Variants in ZC3H12B observed in about 807,000 individuals in gnomAD.
ZC3H12B encodes probable ribonuclease ZC3H12B.
ZC3H12B carries 7 observed loss-of-function variants against 43.9 expected under a neutral mutation model. That is an observed-to-expected ratio of 0.16 (90% CI 0.09 to 0.30). The LOEUF (loss-of-function observed/expected upper bound fraction) is 0.30. Among genes scored for constraint, ZC3H12B ranks in the 10% least tolerant of loss-of-function variants. The pLI is 1.00. For missense variants in ZC3H12B, 475 were observed against 670.2 expected, an observed-to-expected ratio of 0.71 and a Z score of 3.22; for synonymous variants, 222 against 241.7, an observed-to-expected ratio of 0.92 and a Z score of 0.76.
intron 2 of ZC3H12B, among the ~76,000 whole-genome samples, chrX:65,392,796 G>C (rs1001713743): frequency 8.8e-6 from 1 of 113,051 alleles, no homozygotes; most frequent in Admixed American, 9.3e-5. Flanking sequence ...CAGTTTTGTC[G>C]AATAGAAAAG....
chrX:65,159,579 G>C, the ZC3H12B span, among the ~76,000 whole-genome samples: 1 of 111,701 alleles, frequency 9.0e-6, no homozygotes, highest in Non-Finnish European at 1.9e-5. Flanking sequence ...TTATTGGTGT[G>C]TAAGAATGCT....
the ZC3H12B span, among the ~76,000 whole-genome samples, chrX:65,285,186 G>A: frequency 2.7e-5 from 3 of 110,016 alleles, no homozygotes; most frequent in Admixed American, 9.7e-5. Context: ...AAGTTCTTTA[G>A]CAGTGATTTC....
the ZC3H12B span, among the ~76,000 whole-genome samples, chrX:65,061,751 C>T: frequency 4.5e-5 from 5 of 112,261 alleles, no homozygotes; most frequent in Non-Finnish European, 7.5e-5. Context: ...CACTATCTTC[C>T]ACAATGGTTG....
chrX:65,280,874 A>G, the ZC3H12B span, among the ~76,000 whole-genome samples: 1 of 112,262 alleles, frequency 8.9e-6, no homozygotes, highest in Non-Finnish European at 1.9e-5. Flanking sequence ...TGGAAAAAAG[A>G]AATCAAAGAT....
the ZC3H12B span, among the ~76,000 whole-genome samples, chrX:65,211,672 T>G: frequency 1.1e-5 from 1 of 89,570 alleles, no homozygotes; most frequent in Non-Finnish European, 2.1e-5. Context: ...TAATATATAT[T>G]ATATAATTAT....
Position 65,382,554 on chromosome X carries a change from A to G in ZC3H12B, n.295+13556A>G, listed in dbSNP as rs767213498. 3.9e-3 allele frequency among the ~76,000 whole-genome samples: 433 copies of G among 111,348 alleles called. 3 individuals are homozygous for G. Among genetic ancestry groups the G allele is most frequent in the Non-Finnish European group, 6.8e-3 (362 of 53,031 alleles). On this transcript the variant is annotated intron_variant and non_coding_transcript_variant, in intron 2 of 5. Coordinates refer to the ZC3H12B transcript ENST00000617377. ...TTGAAAACTGGCACAAGACAGGTAT[A>G]CCCTCTCTCACCACTCCTATTCAGC...
At chrX:65,191,804 G>C in the ZC3H12B span, among the ~76,000 whole-genome samples, 1 of 107,619 alleles carries the variant, frequency 9.3e-6, no homozygotes, top group African/African-American at 3.4e-5. Flanking sequence ...ATTTCCTTCA[G>C]TTCTGCTCTG....
At chrX:65,387,095 T>A (rs914504666) in intron 2 of ZC3H12B, among the ~76,000 whole-genome samples, 1 of 111,657 alleles carries the variant, frequency 9.0e-6, no homozygotes, top group African/African-American at 3.3e-5. Flanking sequence ...ATAAGTGCAG[T>A]GTGGTGCTGA....
chrX:65,217,703 A>C, the ZC3H12B span, among the ~76,000 whole-genome samples: 2 of 112,268 alleles, frequency 1.8e-5, no homozygotes, highest in Non-Finnish European at 3.8e-5. Flanking sequence ...AAAGTTAATC[A>C]AAAGATGAAA....
chrX:65,105,226 G>A, the ZC3H12B span, among the ~76,000 whole-genome samples: 1 of 109,512 alleles, frequency 9.1e-6, no homozygotes, highest in South Asian at 4.1e-4. Flanking sequence ...ACACCGCAAG[G>A]GGAACATCAC....
At position 65,493,926 on chromosome X, in the gene ZC3H12B, G is replaced by A. The variant is rs369002608; in HGVS notation, c.609-3206G>A. Among the ~76,000 whole-genome samples, 3 of 110,944 alleles carry A rather than the reference G, an allele frequency of 2.7e-5. No individual in the cohort carries two copies. The South Asian group carries it at 1.1e-3, about 42-fold the overall frequency. ...AGGGGCAATAAACTTTGCATACTTG[G>A]CTGTTGTGTAGGTACTCATTGCCAC... On this transcript the variant is annotated intron_variant, in intron 1 of 4. Transcript: ENST00000338957.
At chrX:65,467,428 T>C (rs1465275315) in intron 3 of ZC3H12B, among the ~76,000 whole-genome samples, 1 of 111,679 alleles carries the variant, frequency 9.0e-6, no homozygotes, top group Admixed American at 9.5e-5. Flanking sequence ...TGCAGGTATA[T>C]TTTTGATATA....
At chrX:65,361,617 A>C in the ZC3H12B span, among the ~76,000 whole-genome samples, 44 of 111,310 alleles carry the variant, frequency 4.0e-4, no homozygotes, top group Non-Finnish European at 1.7e-4. Flanking sequence ...TTTTTCATCA[A>C]ATATAAAAAC....
the ZC3H12B span, among the ~76,000 whole-genome samples, chrX:65,070,631 T>A: frequency 1.8e-5 from 2 of 110,847 alleles, no homozygotes; most frequent in Non-Finnish European, 3.8e-5. Flanking sequence ...TGGTTTGTTG[T>A]GTCTTTGTTC....
chrX:65,337,554 G>A, the ZC3H12B span, among the ~76,000 whole-genome samples: 2 of 112,081 alleles, frequency 1.8e-5, no homozygotes, highest in Admixed American at 9.5e-5. Flanking sequence ...GAGGTGATGG[G>A]CATGTTCATT....
the ZC3H12B span, among the ~76,000 whole-genome samples, chrX:65,186,934 T>C: frequency 8.9e-6 from 1 of 112,233 alleles, no homozygotes; most frequent in Non-Finnish European, 1.9e-5. Flanking sequence ...CACTCATTGA[T>C]TGGTGGGCAT....
chrX:65,071,416 G>A, the ZC3H12B span, among the ~76,000 whole-genome samples: 2 of 108,374 alleles, frequency 1.8e-5, no homozygotes, highest in Middle Eastern at 4.4e-3. Flanking sequence ...TATCCAGCCT[G>A]CCTGTGCCTT....
At chrX:65,455,408 G>A (rs554056717) in intron 3 of ZC3H12B, among the ~76,000 whole-genome samples, 9 of 111,935 alleles carry the variant, frequency 8.0e-5, no homozygotes, top group South Asian at 3.7e-4. Flanking sequence ...GAAATGAAGC[G>A]AGAAGAGAAG....
chrX:65,469,286 C>G (rs754798916), intron 3 of ZC3H12B: 1 of 272,562 alleles, frequency 3.7e-6, no homozygotes, highest in African/African-American at 2.8e-5. Flanking sequence ...CCTGGTGCTC[C>G]GAGCGCATCA....
Sources: gnomAD v4.1 joint callset for allele counts (sites outside exome capture counted in the v4.1 genomes callset) on GRCh38, gnomAD v4.1.1 for gene constraint, MANE v1.5 for transcripts, NCBI Gene and HGNC (gene_info 2026-07-23, HGNC 2026-07-21) for gene names.